The following KCNB2 variants were observed in gnomAD, a reference collection of about 807,000 sequenced individuals.
KCNB2 encodes the protein potassium voltage-gated channel subfamily B member 2.
Under a neutral mutation model 61.5 loss-of-function variants are expected in KCNB2, and 15 were observed. That is an observed-to-expected ratio of 0.24 (90% CI 0.16 to 0.38). The LOEUF (loss-of-function observed/expected upper bound fraction) is 0.38. KCNB2 is among the 10% of genes least tolerant of loss of function. KCNB2 has a pLI of 1.00. For missense variants in KCNB2, 828 were observed against 1,125.2 expected (o/e 0.74, Z 3.78); for synonymous variants, 457 against 446.0 (o/e 1.02, Z -0.31).
chr8:72,717,412 A>G (rs1485558030), intron 2 of KCNB2, among the ~76,000 whole-genome samples: 4 of 151,938 alleles, frequency 2.6e-5, no homozygotes, highest in Non-Finnish European at 1.5e-5. Flanking sequence ...ACTTCAAACT[A>G]TACTACAAGG....
At chr8:72,657,616 A>G (rs776957043) in intron 2 of KCNB2, among the ~76,000 whole-genome samples, 2 of 152,176 alleles carry the variant, frequency 1.3e-5, no homozygotes, top group Non-Finnish European at 2.9e-5. Context: ...AAGAAATACA[A>G]TTCTATCCAG....
At chr8:72,561,731 A>ATATATGTG (rs1806525887) in intron 1 of KCNB2, among the ~76,000 whole-genome samples, 3 of 21,358 alleles carry the variant, frequency 1.4e-4, no homozygotes, top group African/African-American at 1.8e-4. Flanking sequence ...ATATATATCT[A>ATATATGTG]TATCTATATA....
At chr8:72,756,964 G>A (rs147793113) in intron 2 of KCNB2, among the ~76,000 whole-genome samples, 1 of 152,290 alleles carries the variant, frequency 6.6e-6, no homozygotes, top group East Asian at 1.9e-4. Context: ...GAGCTATCCA[G>A]GTGGCATTGT....
intron 2 of KCNB2, among the ~76,000 whole-genome samples, chr8:72,624,434 A>C (rs989600640): frequency 6.6e-6 from 1 of 152,200 alleles, no homozygotes; most frequent in Non-Finnish European, 1.5e-5. Flanking sequence ...AAAAGATAAC[A>C]TTATGGTTCT....
At chr8:72,721,093 G>A (rs1237285701) in intron 2 of KCNB2, among the ~76,000 whole-genome samples, 1 of 152,194 alleles carries the variant, frequency 6.6e-6, no homozygotes, top group African/African-American at 2.4e-5. Context: ...TAATCTCTAA[G>A]TGAGGCTATG....
At chr8:72,781,693 G>T (rs1203393398) in intron 2 of KCNB2, among the ~76,000 whole-genome samples, 1 of 152,124 alleles carries the variant, frequency 6.6e-6, no homozygotes, top group East Asian at 1.9e-4. Flanking sequence ...TGGCTATATG[G>T]ACTCTTATTT....
At chr8:72,577,855 A>T (rs910555558) in intron 2 of KCNB2, among the ~76,000 whole-genome samples, 2 of 152,180 alleles carry the variant, frequency 1.3e-5, no homozygotes, top group East Asian at 1.9e-4. Context: ...CCTTCAAGTC[A>T]TCGTTTTAGC....
chr8:72,670,427 G>A lies in KCNB2; in HGVS notation c.579+102114G>A, dbSNP rs1462330485. On this transcript the variant is annotated intron_variant, in intron 2 of 2. Transcript: ENST00000523207. ...AATATCTGAACTTTGCATGCACTTT[G>A]TCTGGCTTCCTATCAACAAGATTTC... is the stretch of plus-strand genomic sequence containing the variant. Among the ~76,000 whole-genome samples the A allele has an allele frequency of 3.9e-5, 6 of 152,266 alleles. No individual in the cohort carries two copies. In the East Asian group the frequency reaches 1.2e-3, roughly 29 times the overall value.
At chr8:72,861,060 C>A (rs1268397894) in intron 2 of KCNB2, among the ~76,000 whole-genome samples, 1 of 152,136 alleles carries the variant, frequency 6.6e-6, no homozygotes, top group African/African-American at 2.4e-5. Context: ...ACACCTTAAG[C>A]CTCAGTAAGC....
intron 2 of KCNB2, among the ~76,000 whole-genome samples, chr8:72,584,546 A>G (rs1269130599): frequency 1.3e-5 from 2 of 152,200 alleles, no homozygotes; most frequent in East Asian, 3.8e-4. Context: ...CATGATTTAT[A>G]GGAAGTGAAA....
At chr8:72,615,175 A>G (rs1396973241) in intron 2 of KCNB2, among the ~76,000 whole-genome samples, 1 of 152,228 alleles carries the variant, frequency 6.6e-6, no homozygotes, top group African/African-American at 2.4e-5. Context: ...TACTAATTAC[A>G]TATAGTGGAT....
chr8:72,870,968 C>A (rs542650612), intron 2 of KCNB2, among the ~76,000 whole-genome samples: 2 of 152,204 alleles, frequency 1.3e-5, no homozygotes, highest in East Asian at 1.9e-4. Flanking sequence ...CAGAGTAAGA[C>A]CTTTTCTCAA....
At chr8:72,770,563 C>T (rs149680451) in intron 2 of KCNB2, among the ~76,000 whole-genome samples, 1 of 152,174 alleles carries the variant, frequency 6.6e-6, no homozygotes, top group South Asian at 2.1e-4. Flanking sequence ...TAAATTTAAA[C>T]TTGGTGTTTG....
intron 1 of KCNB2, among the ~76,000 whole-genome samples, chr8:72,555,771 A>G (rs193256485): frequency 4.2e-3 from 626 of 149,604 alleles, no homozygotes; most frequent in African/African-American, 0.015. Context: ...TTATTTTATT[A>G]TACTTTAAGT....
At chr8:72,567,092 A>G (rs1269729298) in intron 1 of KCNB2, among the ~76,000 whole-genome samples, 2 of 152,118 alleles carry the variant, frequency 1.3e-5, no homozygotes, top group African/African-American at 2.4e-5. Flanking sequence ...ACGCTGAGGC[A>G]GGTGGATTGC....
intron 2 of KCNB2, among the ~76,000 whole-genome samples, chr8:72,813,608 C>T (rs1809342331): frequency 6.6e-6 from 1 of 152,150 alleles, no homozygotes; most frequent in African/African-American, 2.4e-5. Context: ...AGTAGATTAG[C>T]TTGTCTCTTC....
rs77403943 is a variant in KCNB2, at chr8:72,658,469, T to G, written c.579+90156T>G. Reference sequence around the variant, plus strand: ...AAAGAAAGAAGCCATCCTCGTATCATCAAAGTGCAAGGTGAAGCAACAAGG... The same window carrying G: ...AAAGAAAGAAGCCATCCTCGTATCAGCAAAGTGCAAGGTGAAGCAACAAGG... On this transcript the variant is annotated intron_variant, in intron 2 of 2. Coordinates refer to ENST00000523207, the MANE Select transcript of KCNB2 (RefSeq NM_004770.3). Among the ~76,000 whole-genome samples the G allele has an allele frequency of 1.1e-4, 16 of 152,272 alleles. No individual in the cohort carries two copies. The East Asian group carries it at 3.1e-3, about 29-fold the overall frequency.
At chr8:72,917,678 T>C (rs1034581979) in intron 2 of KCNB2, among the ~76,000 whole-genome samples, 1 of 152,224 alleles carries the variant, frequency 6.6e-6, no homozygotes, top group Admixed American at 6.5e-5. Flanking sequence ...AGAATGGTGG[T>C]CCCTTATACC....
intron 2 of KCNB2, among the ~76,000 whole-genome samples, chr8:72,908,213 CT>C (rs1333138312): frequency 6.6e-6 from 1 of 152,102 alleles, no homozygotes; most frequent in Admixed American, 6.6e-5. Flanking sequence ...CCATTTTATA[CT>C]TAATTTAACT....
Sources: gnomAD v4.1 joint callset for allele counts (sites outside exome capture counted in the v4.1 genomes callset) on GRCh38, gnomAD v4.1.1 for gene constraint, MANE v1.5 for transcripts, NCBI Gene and HGNC (gene_info 2026-07-23, HGNC 2026-07-21) for gene names.